The following ABLIM2 variants were observed in gnomAD, a reference collection of about 807,000 sequenced individuals.
ABLIM2 encodes the protein actin binding LIM protein family member 2.
ABLIM2 carries 53 observed loss-of-function variants against 97.7 expected under a neutral mutation model. The ratio of observed to expected loss-of-function variants is 0.54; its 90% CI spans 0.44 to 0.68. ABLIM2 has a LOEUF of 0.68. Among genes scored for constraint, ABLIM2 ranks in the 30% least tolerant of loss-of-function variants. ABLIM2 has a pLI of 0.00. For missense variants in ABLIM2, 835 were observed against 867.2 expected (o/e 0.96, Z 0.47); for synonymous variants, 361 against 345.8 (o/e 1.04, Z -0.49).
intron 4 of ABLIM2, among the ~76,000 whole-genome samples, chr4:8,081,868 T>C (rs1820033014): frequency 6.6e-6 from 1 of 152,104 alleles, no homozygotes; most frequent in African/African-American, 2.4e-5. Flanking sequence ...TGTGCATTGA[T>C]TCATGGATCA....
At chr4:8,152,122 G>A (rs574463906) in intron 1 of ABLIM2, among the ~76,000 whole-genome samples, 5 of 152,250 alleles carry the variant, frequency 3.3e-5, no homozygotes, top group Non-Finnish European at 7.4e-5. Context: ...TCACCAAGAA[G>A]CGCCATCATG....
At chr4:8,007,794 CAT>C (rs1762385943) in intron 16 of ABLIM2, 2 of 1,262,742 alleles carry the variant, frequency 1.6e-6, no homozygotes, top group East Asian at 6.8e-5. Context: ...TGGGTTTCTG[CAT>C]TCTTGCACAC....
chr4:8,010,065 A>C (rs1763942287), intron 14 of ABLIM2, among the ~76,000 whole-genome samples: 1 of 152,236 alleles, frequency 6.6e-6, no homozygotes, highest in African/African-American at 2.4e-5. Flanking sequence ...ACAAAATTAC[A>C]GAATGCAACC....
chr4:8,114,576 C>A (rs1356632685), intron 1 of ABLIM2, among the ~76,000 whole-genome samples: 1 of 152,304 alleles, frequency 6.6e-6, no homozygotes, highest in African/African-American at 2.4e-5. Context: ...TCCTTCCTAA[C>A]CTACTTAAGG....
rs1716260227 is a variant in ABLIM2, at chr4:8,158,750, C to T, written c.-61G>A. 3 of 1,335,182 alleles carry T rather than the reference C, an allele frequency of 2.2e-6. No homozygotes were observed. Among genetic ancestry groups the T allele is most frequent in the Non-Finnish European group, 2.9e-6 (3 of 1,045,564 alleles). 82.7% of individuals were successfully genotyped at this position (1,335,182 alleles called of 1,614,324 possible). ...TGCGACAGCCAGACCCTCGGGCCCG[C>T]AGGTGCCGCGCCCGCGCTATCCTCC... On this transcript the variant is annotated 5_prime_UTR_variant, in exon 1 of 21. Coordinates refer to ENST00000447017, the MANE Select transcript of ABLIM2 (RefSeq NM_001130083.2).
chr4:7,995,364 C>T (rs1218949322), intron 16 of ABLIM2, among the ~76,000 whole-genome samples: 4 of 152,220 alleles, frequency 2.6e-5, no homozygotes, highest in African/African-American at 4.8e-5. Flanking sequence ...AAGCTGCCCA[C>T]GAGGCCTCCG....
Position 8,054,111 on chromosome 4 carries a change from C to A in ABLIM2, c.822+77G>T. 6.6e-7 allele frequency: 1 copy of A among 1,524,382 alleles called. No individual in the cohort carries two copies. The highest frequency in any genetic ancestry group is 1.1e-5 in the South Asian group (1 of 88,738). 94.4% of individuals were successfully genotyped at this position (1,524,382 alleles called of 1,614,324 possible). ...GGACAATGAGCCTGTAGAATCTGGT[C>A]AGTGTCCTCTTAACTGTACAAAGAT... On this transcript the variant is annotated intron_variant, in intron 8 of 20. Transcript: ENST00000447017. This position sits in a 1 kb window ranked among gnomAD's most constrained non-coding sequence, Gnocchi z 4.9.
intron 1 of ABLIM2, among the ~76,000 whole-genome samples, chr4:8,146,573 C>T (rs985794508): frequency 1.1e-4 from 16 of 152,124 alleles, no homozygotes; most frequent in Non-Finnish European, 2.2e-4. Flanking sequence ...AGGGTCTCAC[C>T]GTGCCACCCA....
chr4:8,129,892 AGAG>A (rs1203344886), intron 1 of ABLIM2, among the ~76,000 whole-genome samples: 2 of 152,178 alleles, frequency 1.3e-5, no homozygotes, highest in Non-Finnish European at 2.9e-5. Context: ...CCTAATCCTG[AGAG>A]GAGACCTCTT....
chr4:7,983,484 G>A, intron 19 of ABLIM2, 63 bp downstream of exon 19: 1 of 1,606,550 alleles, frequency 6.2e-7, no homozygotes, highest in East Asian at 2.2e-5. Context: ...ACAACAGAAA[G>A]GACTTTTAAC....
intron 1 of ABLIM2, among the ~76,000 whole-genome samples, chr4:8,107,512 G>A (rs1838059889): frequency 6.6e-6 from 1 of 152,226 alleles, no homozygotes; most frequent in Admixed American, 6.5e-5. Flanking sequence ...ATCTGGATGT[G>A]GAGCTCTGGC....
At chr4:7,983,670 GC>G (rs1740873442) in intron 18 of ABLIM2, 116 bp from the exon 19 acceptor site, 6 of 1,254,368 alleles carry the variant, frequency 4.8e-6, no homozygotes, top group Non-Finnish European at 6.9e-6. Context: ...AGTCACCTGG[GC>G]CATGCATGGT....
intron 6 of ABLIM2, among the ~76,000 whole-genome samples, chr4:8,063,075 CT>C (rs1804465860): frequency 6.6e-6 from 1 of 152,006 alleles, no homozygotes; most frequent in Admixed American, 6.5e-5. Flanking sequence ...GGGACAGCTT[CT>C]TTTTTTTGAG....
At chr4:7,985,898 C>G (rs1743552510) in intron 17 of ABLIM2, among the ~76,000 whole-genome samples, 1 of 152,246 alleles carries the variant, frequency 6.6e-6, no homozygotes, top group Non-Finnish European at 1.5e-5. Context: ...GGTTCCCCAA[C>G]CTGTAAAGCA....
At chr4:8,066,768 G>A (rs947962332) in intron 6 of ABLIM2, 3 of 152,084 alleles carry the variant, frequency 2.0e-5, no homozygotes, top group Non-Finnish European at 4.4e-5. Flanking sequence ...GGGAGTAACT[G>A]CCTAGTGGGG....
chr4:7,981,558 A>T (rs1738453169), intron 20 of ABLIM2, among the ~76,000 whole-genome samples: 1 of 152,106 alleles, frequency 6.6e-6, no homozygotes, highest in Admixed American at 6.5e-5. Flanking sequence ...CTCTTGATGT[A>T]TTTTACAGTT....
chr4:8,106,748 C>T, intron 1 of ABLIM2, 111 bp from the exon 2 acceptor site: 1 of 1,341,652 alleles, frequency 7.5e-7, no homozygotes, highest in Middle Eastern at 1.9e-4. Flanking sequence ...GGCCCCGCAC[C>T]CACCAGCACG....
Position 8,090,201 on chromosome 4 carries a change from C to G in ABLIM2, c.339-1917G>C, listed in dbSNP as rs893917009. ...GTGTCAATGCTATGGTCTGCTGCCA[C>G]CTGGGTCTCCGTGTCTTGCACCCTC... On this transcript the variant is annotated intron_variant, in intron 3 of 20. Coordinates refer to ENST00000447017, the MANE Select transcript of ABLIM2 (RefSeq NM_001130083.2). Among the ~76,000 whole-genome samples the G allele has an allele frequency of 1.3e-5, 2 of 152,194 alleles. 1 individual carries two copies. The highest frequency in any genetic ancestry group is 4.1e-4 in the South Asian group (2 of 4,836).
intron 6 of ABLIM2, among the ~76,000 whole-genome samples, chr4:8,063,268 T>C (rs2152161217): frequency 6.6e-6 from 1 of 152,304 alleles, no homozygotes; most frequent in East Asian, 1.9e-4. Flanking sequence ...GTTTCACCAT[T>C]GTTGGCCAGG....
Sources: allele counts gnomAD v4.1 joint callset (sites outside exome capture counted in the v4.1 genomes callset), GRCh38; gene constraint gnomAD v4.1.1; non-coding constraint Gnocchi (gnomAD v3.1); transcripts MANE v1.5; gene names NCBI Gene and HGNC (gene_info 2026-07-23, HGNC 2026-07-21).